AGBL1: variants seen among roughly 807,000 people sequenced by gnomAD.
AGBL1 encodes the protein cytosolic carboxypeptidase 4.
A neutral mutation model predicts 118.9 loss-of-function variants in AGBL1; 130 were observed. The ratio of observed to expected loss-of-function variants is 1.09; its 90% CI spans 0.95 to 1.26. AGBL1 has a LOEUF of 1.26. Among genes scored for constraint, AGBL1 ranks in the 50% most tolerant of loss-of-function variants. AGBL1 has a pLI of 0.00. For synonymous variants in AGBL1, 555 were observed against 478.9 expected (o/e 1.16, Z -2.08); for missense variants, 1,584 against 1,298.1 (o/e 1.22, Z -3.38).
intron 23 of AGBL1, among the ~76,000 whole-genome samples, chr15:86,927,164 T>C (rs1000042463): frequency 6.7e-6 from 1 of 150,222 alleles, no homozygotes; most frequent in Admixed American, 6.7e-5. Context: ...AATAAATAAA[T>C]AATAAAATAA....
chr15:86,501,021 A>G (rs950813744), intron 18 of AGBL1, among the ~76,000 whole-genome samples: 1 of 151,716 alleles, frequency 6.6e-6, no homozygotes, highest in Admixed American at 6.6e-5. Context: ...ATCCAGGAGT[A>G]GAATTGTCGG....
chr15:86,854,513 G>A (rs2079450794), intron 22 of AGBL1, among the ~76,000 whole-genome samples: 1 of 152,124 alleles, frequency 6.6e-6, no homozygotes, highest in Non-Finnish European at 1.5e-5. Context: ...GGATTATGAT[G>A]TTCATCTATG....
intron 17 of AGBL1, among the ~76,000 whole-genome samples, chr15:86,319,329 T>TGATTCTTC (rs1567196895): frequency 6.6e-6 from 1 of 152,160 alleles, no homozygotes; most frequent in Non-Finnish European, 1.5e-5. Flanking sequence ...TGGCTAACTT[T>TGATTCTTC]CTGATTTTTG....
chr15:86,491,726 G>A (rs984698954), intron 18 of AGBL1, among the ~76,000 whole-genome samples: 1 of 152,014 alleles, frequency 6.6e-6, no homozygotes, highest in East Asian at 1.9e-4. Flanking sequence ...GATTAAACAA[G>A]CCATTATGAG....
intron 6 of AGBL1, among the ~76,000 whole-genome samples, chr15:86,241,589 G>T (rs2078641746): frequency 6.6e-6 from 1 of 152,078 alleles, no homozygotes; most frequent in South Asian, 2.1e-4. Context: ...GGGCCTTCTT[G>T]CTGCATACTC....
chr15:86,680,950 A>G (rs1355840410), intron 22 of AGBL1, among the ~76,000 whole-genome samples: 1 of 151,982 alleles, frequency 6.6e-6, no homozygotes, highest in East Asian at 1.9e-4. Context: ...TACATCAAAA[A>G]TATTTCTTTC....
chr15:86,568,233 G>A (rs534555694), intron 21 of AGBL1, among the ~76,000 whole-genome samples: 37 of 152,184 alleles, frequency 2.4e-4, no homozygotes, highest in East Asian at 3.9e-4. Context: ...AACAGTCTTC[G>A]TATGTGGACT....
In AGBL1 at chr15:86,708,259, A is replaced by C. The variant is rs80045729; in HGVS notation, c.3158+33823A>C. 1.4e-4 allele frequency among the ~76,000 whole-genome samples: 22 copies of C among 152,226 alleles called. No individual in the cohort carries two copies. In the East Asian group the frequency reaches 4.1e-3, roughly 28 times the overall value. On this transcript the variant is annotated intron_variant, in intron 22 of 22. Coordinates refer to ENST00000614907, the MANE Select transcript of AGBL1 (RefSeq NM_001386094.1). ...GGTCTTAAGGGAAGTAACTGAGATTAAATGAGATCATAAGGGCAGGGTTCT... is the reference window on the plus strand; with the variant it reads ...GGTCTTAAGGGAAGTAACTGAGATTCAATGAGATCATAAGGGCAGGGTTCT...
At position 86,750,189 on chromosome 15, in the gene AGBL1, A is replaced by G. The variant is rs1419776630; in HGVS notation, c.3158+75753A>G. On this transcript the variant is annotated intron_variant, in intron 22 of 22. Transcript: ENST00000614907. ...TAACTGTGTGTGTGCATGTGTGTAT[A>G]TATATGTAATTATTATTAATACCAA... 4.6e-5 allele frequency among the ~76,000 whole-genome samples: 7 copies of G among 152,204 alleles called. No individual in the cohort carries two copies. The South Asian group carries it at 1.2e-3, about 27-fold the overall frequency.
chr15:86,765,615 G>A (rs192171019), intron 22 of AGBL1, among the ~76,000 whole-genome samples: 12 of 152,050 alleles, frequency 7.9e-5, no homozygotes, highest in South Asian at 2.1e-4. Flanking sequence ...GGGGAGAGAC[G>A]TGACAAAAAA....
At chr15:86,538,001 A>C (rs2083448460) in intron 19 of AGBL1, among the ~76,000 whole-genome samples, 1 of 152,218 alleles carries the variant, frequency 6.6e-6, no homozygotes, top group Non-Finnish European at 1.5e-5. Context: ...TTTCATTGTA[A>C]CTGAAATATT....
intron 24 of AGBL1, chr15:87,028,778 A>C (rs1458250140): frequency 1.3e-6 from 2 of 1,575,582 alleles, no homozygotes; most frequent in African/African-American, 2.7e-5. Flanking sequence ...ACCAGAAGTT[A>C]CACGGCTTCA....
intron 23 of AGBL1, among the ~76,000 whole-genome samples, chr15:86,974,535 TATAA>T (rs2081151704): frequency 5.1e-5 from 7 of 137,212 alleles, no homozygotes; most frequent in Admixed American, 7.7e-5. Flanking sequence ...ATATTAAATA[TATAA>T]AAATTATATA....
rs1009197995 is a variant in AGBL1 at position 86,828,618 on chromosome 15, C to T, written c.3159-78469C>T. Among the ~76,000 whole-genome samples the T allele has an allele frequency of 5.9e-5, 9 of 152,200 alleles. No individual in the cohort carries two copies. The South Asian group carries it at 1.2e-3, about 21-fold the overall frequency. On this transcript the variant is annotated intron_variant, in intron 22 of 22. Coordinates refer to ENST00000614907, the MANE Select transcript of AGBL1 (RefSeq NM_001386094.1). Reference sequence around the variant, plus strand: ...AGAAGATCTAGAAAAGGCAAAGAAACGAGTTTTCCTCTAAAACCCCAGAAG... The same window carrying T: ...AGAAGATCTAGAAAAGGCAAAGAAATGAGTTTTCCTCTAAAACCCCAGAAG...
intron 23 of AGBL1, among the ~76,000 whole-genome samples, chr15:86,984,558 G>T (rs2081262986): frequency 6.6e-6 from 1 of 151,794 alleles, no homozygotes; most frequent in South Asian, 2.1e-4. Flanking sequence ...TAGAGACAGG[G>T]TTTCACCATC....
intron 1 of AGBL1, among the ~76,000 whole-genome samples, chr15:86,091,731 C>T (rs1419740947): frequency 3.3e-5 from 5 of 152,112 alleles, no homozygotes; most frequent in African/African-American, 7.2e-5. Flanking sequence ...GCGAATGAAG[C>T]TCTTAAAGGT....
chr15:86,973,077 G>A (rs1194899374), intron 23 of AGBL1, among the ~76,000 whole-genome samples: 3 of 151,878 alleles, frequency 2.0e-5, no homozygotes, highest in Non-Finnish European at 4.4e-5. Flanking sequence ...CTCAGTTTTG[G>A]CATTTGTGTA....
intron 5 of AGBL1, among the ~76,000 whole-genome samples, chr15:86,207,293 G>T (rs2078010403): frequency 6.6e-6 from 1 of 152,192 alleles, no homozygotes; most frequent in Admixed American, 6.5e-5. Context: ...GGCAATGCAG[G>T]CTCTTTTTCG....
In AGBL1 at chr15:86,522,855, T is replaced by G. The variant is rs1433458246; in HGVS notation, c.2601T>G (p.Leu867=). 1 of 1,613,884 alleles carries G rather than the reference T, an allele frequency of 6.2e-7. No homozygotes were observed. Among genetic ancestry groups the G allele is most frequent in the Admixed American group, 1.7e-5 (1 of 60,012 alleles). The change falls in exon 19 of 23, where the codon CTT becomes CTG. Residue 867 remains leucine (L), a synonymous_variant. Coordinates refer to ENST00000614907, the MANE Select transcript of AGBL1 (RefSeq NM_001386094.1). ...GGGAAGATTTGAACAGACAATGGCTTTCTCCCAGTGCTCATCTGCAGCCAA... is the reference window on the plus strand; with the variant it reads ...GGGAAGATTTGAACAGACAATGGCTGTCTCCCAGTGCTCATCTGCAGCCAA... The part of the protein sequence containing the change: ...LSGEDLNRQW[L]SPSAHLQPTI...
Sources: allele counts gnomAD v4.1 joint callset (sites outside exome capture counted in the v4.1 genomes callset), GRCh38; gene constraint gnomAD v4.1.1; transcripts MANE v1.5; gene names NCBI Gene and HGNC (gene_info 2026-07-23, HGNC 2026-07-21).